The following MVB12B variants were observed in gnomAD, a reference collection of about 807,000 sequenced individuals.
MVB12B encodes ESCRT-I complex subunit MVB12B.
MVB12B carries 16 observed loss-of-function variants against 41.6 expected under a neutral mutation model. That is an observed-to-expected ratio of 0.38 (90% confidence interval 0.26 to 0.58). MVB12B has a LOEUF of 0.58. MVB12B is among the 20% of genes least tolerant of loss of function. The pLI is 0.62. For synonymous variants in MVB12B, 133 were observed against 139.7 expected, an observed-to-expected ratio of 0.95 and a Z score of 0.34; for missense variants, 274 against 380.2, an observed-to-expected ratio of 0.72 and a Z score of 2.32.
At chr9:126,417,748 C>T (rs1470758012) in intron 6 of MVB12B, among the ~76,000 whole-genome samples, 1 of 152,200 alleles carries the variant, frequency 6.6e-6, no homozygotes, top group Non-Finnish European at 1.5e-5. Context: ...AGGTTTATAT[C>T]AGATGACCAA....
At chr9:126,335,940 AGTT>A (rs1829261152) in intron 1 of MVB12B, among the ~76,000 whole-genome samples, 2 of 152,220 alleles carry the variant, frequency 1.3e-5, no homozygotes, top group South Asian at 4.1e-4. Flanking sequence ...TCTCCTCAAA[AGTT>A]GTATGCCAGT....
chr9:126,348,061 C>T lies in MVB12B; in HGVS notation c.204+7431C>T, dbSNP rs181971864. On this transcript the variant is annotated intron_variant, in intron 2 of 9. Coordinates refer to ENST00000361171, the MANE Select transcript of MVB12B (RefSeq NM_033446.3). Reference sequence around the variant, plus strand: ...CTTCCTGAGCACAGGGCTTTGCTATCGTGGGGCTACTAACTGCAGAAATAA... The same window carrying T: ...CTTCCTGAGCACAGGGCTTTGCTATTGTGGGGCTACTAACTGCAGAAATAA... 3.9e-5 allele frequency among the ~76,000 whole-genome samples: 6 copies of T among 152,332 alleles called. No individual in the cohort carries two copies. In the East Asian group the frequency reaches 7.7e-4, roughly 20 times the overall value.
rs540469673 is a variant in MVB12B, at chr9:126,423,851, G to A, written c.757+1903G>A. On this transcript the variant is annotated intron_variant, in intron 7 of 9. Coordinates refer to ENST00000361171, the MANE Select transcript of MVB12B (RefSeq NM_033446.3). ...TATGAACAGTATTTGGCACTGAGTGGCCTATCTCAGTTTGGTATTGTGAAG... is the reference window on the plus strand; with the variant it reads ...TATGAACAGTATTTGGCACTGAGTGACCTATCTCAGTTTGGTATTGTGAAG... Among the ~76,000 whole-genome samples the A allele has an allele frequency of 9.5e-4, 144 of 152,330 alleles. 4 individuals are homozygous for A. Among genetic ancestry groups the A allele is most frequent in the Admixed American group, 9.2e-3 (141 of 15,308 alleles).
chr9:126,471,752 G>C (rs1833318603), intron 7 of MVB12B, among the ~76,000 whole-genome samples: 1 of 152,198 alleles, frequency 6.6e-6, no homozygotes, highest in Non-Finnish European at 1.5e-5. Flanking sequence ...GCTTAGGGTT[G>C]CTGATTATTT....
At chr9:126,467,279 A>T (rs1833220040) in intron 7 of MVB12B, among the ~76,000 whole-genome samples, 1 of 152,140 alleles carries the variant, frequency 6.6e-6, no homozygotes. Context: ...ATGTTTTCTC[A>T]TAATAAGATC....
Position 126,395,930 on chromosome 9 carries a change from A to G in MVB12B, c.662+233A>G. 8 of 1,327,038 alleles carry G rather than the reference A, an allele frequency of 6.0e-6. No individual in the cohort carries two copies. The highest frequency in any genetic ancestry group is 7.7e-6 in the Non-Finnish European group (8 of 1,040,430). 82.2% of individuals were successfully genotyped at this position (1,327,038 alleles called of 1,614,324 possible). A position where few individuals can be genotyped will look rare whatever the true frequency, so the allele number is the denominator to read the frequency against. ...TGTGCGTGTTCTGCAGGCTTCTAAA[A>G]TTGCAGATTATGCAACTTAAAATTG... On this transcript the variant is annotated intron_variant, in intron 6 of 9. Transcript: ENST00000361171. This position sits in a 1 kb window ranked among gnomAD's most constrained non-coding sequence, Gnocchi z 4.9.
intron 7 of MVB12B, among the ~76,000 whole-genome samples, chr9:126,447,616 T>G (rs964232198): frequency 6.6e-6 from 1 of 152,232 alleles, no homozygotes; most frequent in Non-Finnish European, 1.5e-5. Context: ...TTTTACTAAA[T>G]GCTCCGTTGA....
At chr9:126,336,754 G>GCACA (rs113110128) in intron 1 of MVB12B, among the ~76,000 whole-genome samples, 20,450 of 150,258 alleles carry the variant, frequency 0.14, 1,600 homozygotes, top group African/African-American at 0.2. Context: ...GTGTGTGCAC[G>GCACA]CACACACACA....
At chr9:126,452,851 T>A (rs1156616575) in intron 7 of MVB12B, among the ~76,000 whole-genome samples, 3 of 152,182 alleles carry the variant, frequency 2.0e-5, no homozygotes, top group Non-Finnish European at 2.9e-5. Flanking sequence ...AATGAAATGC[T>A]TAGGCACTTC....
intron 9 of MVB12B, among the ~76,000 whole-genome samples, chr9:126,496,399 C>T (rs1833836239): frequency 6.7e-6 from 1 of 148,594 alleles, no homozygotes; most frequent in African/African-American, 2.5e-5. Context: ...CACCCATACC[C>T]ACCCACTCAC....
At chr9:126,411,465 T>A (rs1221292393) in intron 6 of MVB12B, among the ~76,000 whole-genome samples, 5 of 152,262 alleles carry the variant, frequency 3.3e-5, no homozygotes, top group Non-Finnish European at 7.3e-5. Flanking sequence ...CTTGTGTGCC[T>A]GTTGATACTG....
In MVB12B at chr9:126,478,417, G is replaced by A. The variant is rs1833461267; in HGVS notation, c.758-2952G>A. 6.6e-6 allele frequency among the ~76,000 whole-genome samples: 1 copy of A among 152,154 alleles called. No homozygotes were observed. The highest frequency in any genetic ancestry group is 1.5e-5 in the Non-Finnish European group (1 of 68,030). Reference sequence around the variant, plus strand: ...CCTGAGCCCCCAGGCCCTGCCCCTGGGCTGGGGACCTGGAATGCAGAGGTG... The same window carrying A: ...CCTGAGCCCCCAGGCCCTGCCCCTGAGCTGGGGACCTGGAATGCAGAGGTG... On this transcript the variant is annotated intron_variant, in intron 7 of 9. Coordinates refer to ENST00000361171, the MANE Select transcript of MVB12B (RefSeq NM_033446.3). This position sits in a 1 kb window ranked among gnomAD's most constrained non-coding sequence, Gnocchi z 4.2.
intron 2 of MVB12B, among the ~76,000 whole-genome samples, chr9:126,355,961 C>T (rs556358022): frequency 1.3e-5 from 2 of 152,314 alleles, no homozygotes; most frequent in Admixed American, 1.3e-4. Context: ...TCGCTGCCTT[C>T]CTCTGGCAAC....
intron 2 of MVB12B, among the ~76,000 whole-genome samples, chr9:126,365,503 T>G (rs1224508620): frequency 1.3e-5 from 2 of 151,938 alleles, no homozygotes; most frequent in Non-Finnish European, 2.9e-5. Flanking sequence ...CAGATAATTT[T>G]TGTATTTTTT....
intron 7 of MVB12B, among the ~76,000 whole-genome samples, chr9:126,432,652 C>A (rs1462217232): frequency 6.6e-6 from 1 of 152,174 alleles, no homozygotes; most frequent in Non-Finnish European, 1.5e-5. Flanking sequence ...CCAAGAAAAT[C>A]TTTTACAGAT....
chr9:126,357,854 T>G (rs752657417), intron 2 of MVB12B, among the ~76,000 whole-genome samples: 1 of 152,200 alleles, frequency 6.6e-6, no homozygotes, highest in Non-Finnish European at 1.5e-5. Flanking sequence ...TTTTTTTCTT[T>G]TATAGTTAGT....
intron 7 of MVB12B, chr9:126,448,173 GTCC>G (rs908378245): frequency 5.2e-5 from 8 of 154,756 alleles, no homozygotes; most frequent in African/African-American, 1.9e-4. Flanking sequence ...GGCAGCTCCT[GTCC>G]TCCTCTGCTG....
intron 7 of MVB12B, among the ~76,000 whole-genome samples, chr9:126,470,034 C>G (rs1342060235): frequency 6.6e-6 from 1 of 152,206 alleles, no homozygotes; most frequent in Non-Finnish European, 1.5e-5. Flanking sequence ...GCCCTAGGTA[C>G]AAACTAGCTG....
intron 6 of MVB12B, chr9:126,397,407 A>G (rs1831147846): frequency 2.0e-6 from 2 of 985,460 alleles, no homozygotes; most frequent in East Asian, 2.3e-4. Flanking sequence ...AGTGCGTCAG[A>G]ACCAGATGTT....
Sources: gnomAD v4.1 joint callset for allele counts (sites outside exome capture counted in the v4.1 genomes callset) on GRCh38, gnomAD v4.1.1 for gene constraint, Gnocchi (gnomAD v3.1) non-coding constraint, MANE v1.5 for transcripts, NCBI Gene and HGNC (gene_info 2026-07-23, HGNC 2026-07-21) for gene names.